ELMO1: variants seen among roughly 807,000 people sequenced by gnomAD.
The protein encoded by ELMO1 is engulfment and cell motility protein 1.
ELMO1 carries 26 observed loss-of-function variants against 98.9 expected under a neutral mutation model. The observed-to-expected ratio is 0.26, with a 90% CI of 0.19 to 0.36. The LOEUF (loss-of-function observed/expected upper bound fraction) is 0.36, where lower values mean the gene tolerates loss of function less well. Among genes scored for constraint, ELMO1 ranks in the 10% least tolerant of loss-of-function variants. The pLI, the probability that ELMO1 is intolerant of heterozygous loss-of-function variation, is 1.00. For missense variants in ELMO1, 627 were observed against 935.2 expected (o/e 0.67, Z 4.30); for synonymous variants, 346 against 346.0 (o/e 1.00, Z 0.00).
At chr7:36,866,697 C>T (rs187403200) in intron 20 of ELMO1, among the ~76,000 whole-genome samples, 152 of 152,302 alleles carry the variant, frequency 1.0e-3, no homozygotes, top group Middle Eastern at 6.8e-3. Context: ...TCTCATGGCA[C>T]AAAATGTCAA....
intron 15 of ELMO1, among the ~76,000 whole-genome samples, chr7:37,091,036 A>G (rs1008729263): frequency 6.6e-6 from 1 of 152,206 alleles, no homozygotes; most frequent in Non-Finnish European, 1.5e-5. Context: ...ACCTATTCAA[A>G]AGAGAGTAAT....
chr7:36,994,277 TTAAA>T (rs1792054960), intron 16 of ELMO1, among the ~76,000 whole-genome samples: 1 of 152,234 alleles, frequency 6.6e-6, no homozygotes, highest in Admixed American at 6.5e-5. Flanking sequence ...TGATGCTCCC[TTAAA>T]TAAAGTTCTT....
chr7:36,880,062 T>G (rs568264305), intron 18 of ELMO1, among the ~76,000 whole-genome samples: 1 of 152,196 alleles, frequency 6.6e-6, no homozygotes, highest in Admixed American at 6.5e-5. Flanking sequence ...ACGGATACTT[T>G]CCCCTGCCCT....
At chr7:37,396,632 T>C (rs368608375) in intron 1 of ELMO1, among the ~76,000 whole-genome samples, 12 of 152,214 alleles carry the variant, frequency 7.9e-5, no homozygotes, top group East Asian at 1.9e-4. Context: ...TTTACCCTTA[T>C]AGATTGTAAA....
chr7:36,955,546 AT>A (rs1314849688), intron 16 of ELMO1, among the ~76,000 whole-genome samples: 10 of 152,242 alleles, frequency 6.6e-5, no homozygotes, highest in Non-Finnish European at 1.5e-5. Context: ...ATCTTGGAGT[AT>A]GTAAGTATCA....
chr7:37,266,886 G>A (rs1269571535), intron 5 of ELMO1, among the ~76,000 whole-genome samples: 5 of 151,836 alleles, frequency 3.3e-5, no homozygotes, highest in East Asian at 1.9e-4. Context: ...GATGGCGTAC[G>A]CCTGTAGTCC....
intron 1 of ELMO1, among the ~76,000 whole-genome samples, chr7:37,442,515 G>T (rs1003112855): frequency 1.3e-5 from 2 of 152,162 alleles, no homozygotes; most frequent in African/African-American, 2.4e-5. Flanking sequence ...GTTGGCTAAA[G>T]AATAAACGCC....
At chr7:37,316,125 C>T (rs999236495) in intron 2 of ELMO1, among the ~76,000 whole-genome samples, 165 bp from the exon 3 acceptor site, 1 of 152,178 alleles carries the variant, frequency 6.6e-6, no homozygotes, top group Non-Finnish European at 1.5e-5. Flanking sequence ...TAACAATCTA[C>T]CAGCTGTCAC....
intron 1 of ELMO1, among the ~76,000 whole-genome samples, chr7:37,422,482 C>T (rs1317346456): frequency 2.6e-5 from 4 of 152,148 alleles, no homozygotes; most frequent in African/African-American, 4.8e-5. Context: ...TAGAGAAGCT[C>T]GTGTGGTTTT....
rs1297491267 is a variant in ELMO1 at position 37,013,423 on chromosome 7, C to A, written c.1313G>T (p.Cys438Phe). 6.2e-7 allele frequency: 1 copy of A among 1,613,954 alleles called. No homozygotes were observed. Among genetic ancestry groups the A allele is most frequent in the Non-Finnish European group, 8.5e-7 (1 of 1,179,964 alleles). Residue 438 changes from cysteine to phenylalanine, a missense_variant, in exon 16 of 22, where the codon TGC becomes TTC. Around this residue, in one of 3 missense-constraint regions of ELMO1, gnomAD observed 492 missense variants for 715.6 expected, o/e 0.69. Transcript: ENST00000310758. ...GAAGAACATCGGGTGGAAGTCGTTG[C>A]AGGTCTCACTAGCTGGAGGAAAGAG... ...LKVGELPSET[C>F]NDFHPMFFTH...
intron 1 of ELMO1, among the ~76,000 whole-genome samples, chr7:37,386,791 G>A (rs993055757): frequency 1.3e-5 from 2 of 152,154 alleles, no homozygotes; most frequent in African/African-American, 4.8e-5. Context: ...ATCCCCTGCC[G>A]AATTTTGGTT....
chr7:37,092,465 G>A (rs1318215342), intron 15 of ELMO1, among the ~76,000 whole-genome samples: 2 of 132,162 alleles, frequency 1.5e-5, no homozygotes, highest in Non-Finnish European at 3.1e-5. Flanking sequence ...TGCAAGCTCC[G>A]CCTCCCAGGT....
intron 1 of ELMO1, among the ~76,000 whole-genome samples, chr7:37,361,403 C>T (rs551819852): frequency 2.6e-5 from 4 of 152,306 alleles, no homozygotes; most frequent in South Asian, 2.1e-4. Context: ...GGGCCAAATC[C>T]GGCCCTCTCC....
intron 13 of ELMO1, among the ~76,000 whole-genome samples, chr7:37,151,122 T>C (rs1382388137): frequency 2.6e-5 from 4 of 152,308 alleles, no homozygotes; most frequent in African/African-American, 9.6e-5. Context: ...AGGGTGTGGA[T>C]AGAAGAGGCC....
intron 1 of ELMO1, among the ~76,000 whole-genome samples, chr7:37,357,844 A>G (rs1041580739): frequency 2.0e-5 from 3 of 152,254 alleles, no homozygotes; most frequent in East Asian, 1.9e-4. Context: ...TCACACAAAC[A>G]TCAAGATGAC....
intron 15 of ELMO1, among the ~76,000 whole-genome samples, chr7:37,089,413 C>T (rs1783953103): frequency 6.6e-6 from 1 of 151,994 alleles, no homozygotes; most frequent in South Asian, 2.1e-4. Context: ...AACGGTCAAA[C>T]AGGTGAATTT....
At chr7:37,254,524 T>C (rs892629821) in intron 6 of ELMO1, among the ~76,000 whole-genome samples, 5 of 152,226 alleles carry the variant, frequency 3.3e-5, no homozygotes, top group African/African-American at 1.2e-4. Context: ...ACACCTAGGC[T>C]ATGTGGCACA....
intron 13 of ELMO1, among the ~76,000 whole-genome samples, chr7:37,205,584 C>T (rs1027076410): frequency 6.6e-6 from 1 of 152,034 alleles, no homozygotes; most frequent in Non-Finnish European, 1.5e-5. Context: ...CTGAAATTAC[C>T]ATCAGAAAGC....
At position 37,442,186 on chromosome 7, in the gene ELMO1, CA is replaced by C. The variant is rs570231241; in HGVS notation, c.-74+6488del. ...ACAGTACACAGGACAGCCCTTACAA[CA>C]AAGGATTATCCAGCCCGAAATGTCA... On this transcript the variant is annotated intron_variant, in intron 1 of 21. Coordinates refer to ENST00000310758, the MANE Select transcript of ELMO1 (RefSeq NM_014800.11). 2.1e-4 allele frequency among the ~76,000 whole-genome samples: 32 copies of C among 152,264 alleles called. No individual in the cohort carries two copies. In the East Asian group the frequency reaches 5.4e-3, roughly 26 times the overall value.
Sources: allele counts gnomAD v4.1 joint callset (sites outside exome capture counted in the v4.1 genomes callset), GRCh38; gene constraint gnomAD v4.1.1; regional missense constraint gnomAD v4.1.1; transcripts MANE v1.5; gene names NCBI Gene and HGNC (gene_info 2026-07-23, HGNC 2026-07-21).